Variants in VPS13A observed in about 807,000 individuals in gnomAD.
VPS13A encodes vacuolar protein sorting 13 homolog A.
In VPS13A, 264 loss-of-function variants were observed where a neutral mutation model predicts 390.9. That is an observed-to-expected ratio of 0.68 (90% CI 0.61 to 0.75). The LOEUF (loss-of-function observed/expected upper bound fraction) is 0.75, where lower values mean the gene tolerates loss of function less well. VPS13A is among the 30% of genes least tolerant of loss of function. VPS13A has a pLI of 0.00. For missense variants in VPS13A, 3,409 were observed against 3,733.9 expected (o/e 0.91, Z 2.27); for synonymous variants, 1,231 against 1,227.1 (o/e 1.00, Z -0.07).
chr9:77,249,661 G>A (rs1480060674), intron 20 of VPS13A, among the ~76,000 whole-genome samples: 2 of 152,148 alleles, frequency 1.3e-5, no homozygotes, highest in African/African-American at 4.8e-5. Context: ...TTGCATAAAT[G>A]GCAGAGTTGG....
At chr9:77,414,182 G>A (rs1464429143) in intron 71 of VPS13A, among the ~76,000 whole-genome samples, 4 of 152,184 alleles carry the variant, frequency 2.6e-5, no homozygotes, top group East Asian at 1.9e-4. Context: ...TCAGTGTGGC[G>A]ATTCCTCAGG....
At chr9:77,318,971 C>G (rs144047505) in intron 41 of VPS13A, among the ~76,000 whole-genome samples, 2,325 of 152,018 alleles carry the variant, frequency 0.015, 58 homozygotes, top group African/African-American at 0.053. Flanking sequence ...GCAGAAGGAT[C>G]GCTTGAGCCC....
At chr9:77,215,325 C>G (rs530087302) in intron 10 of VPS13A, among the ~76,000 whole-genome samples, 1 of 152,262 alleles carries the variant, frequency 6.6e-6, no homozygotes, top group East Asian at 1.9e-4. Context: ...ACCTTCATGA[C>G]TACTCAAGTG....
intron 23 of VPS13A, among the ~76,000 whole-genome samples, chr9:77,263,567 C>T (rs1473827173): frequency 1.3e-5 from 2 of 152,040 alleles, no homozygotes; most frequent in South Asian, 2.1e-4. Flanking sequence ...CTGTTCATAT[C>T]CTTCGCCTAC....
chr9:77,358,891 C>T (rs1215590328), intron 57 of VPS13A, among the ~76,000 whole-genome samples: 2 of 152,102 alleles, frequency 1.3e-5, no homozygotes, highest in East Asian at 1.9e-4. Context: ...TCTCTTCCCT[C>T]CTCACTACCC....
chr9:77,289,643 A>C (rs950724322), intron 31 of VPS13A, among the ~76,000 whole-genome samples: 1 of 152,050 alleles, frequency 6.6e-6, no homozygotes, highest in Non-Finnish European at 1.5e-5. Flanking sequence ...GTACCTATTG[A>C]ATTTGGTTTA....
intron 62 of VPS13A, 34 bp downstream of exon 62, chr9:77,368,170 T>C: frequency 1.3e-6 from 2 of 1,549,554 alleles, no homozygotes; most frequent in Non-Finnish European, 1.8e-6. Context: ...AGGGACAGAG[T>C]GATACAGACT....
chr9:77,271,187 A>C (rs185728634), intron 23 of VPS13A, among the ~76,000 whole-genome samples: 49 of 152,336 alleles, frequency 3.2e-4, no homozygotes, highest in Non-Finnish European at 6.3e-4. Context: ...ATGACTAAAC[A>C]GGTAGCATGA....
At chr9:77,295,098 A>G (rs1827902324) in intron 32 of VPS13A, among the ~76,000 whole-genome samples, 1 of 151,958 alleles carries the variant, frequency 6.6e-6, no homozygotes, top group South Asian at 2.1e-4. Flanking sequence ...AAATATAGAT[A>G]ATTATATTTT....
In VPS13A at chr9:77,238,348, T is replaced by G; in HGVS notation, c.1862T>G (p.Leu621Trp). The G allele has an allele frequency of 1.2e-6, 2 of 1,614,040 alleles. No individual in the cohort carries two copies. Among genetic ancestry groups the G allele is most frequent in the Non-Finnish European group, 1.7e-6 (2 of 1,179,964 alleles). ...CTAGCACAGCTCACTGCAGCAACTT[T>G]GACAAAACTGGAAGAATTTCGCAGT... Reference protein sequence around the residue: ...VHLAQLTAATLTKLEEFRSKT... With the variant: ...VHLAQLTAATWTKLEEFRSKT... The change falls in exon 19 of 72, where the codon TTG becomes TGG. Residue 621 changes from leucine to tryptophan, a missense_variant. Leu to Trp is a moderately conservative substitution (Grantham distance 61, BLOSUM62 -2). Coordinates refer to ENST00000360280, the MANE Select transcript of VPS13A (RefSeq NM_033305.3).
intron 67 of VPS13A, among the ~76,000 whole-genome samples, chr9:77,376,378 T>A (rs910875930): frequency 3.9e-5 from 6 of 152,158 alleles, no homozygotes; most frequent in Admixed American, 6.5e-5. Flanking sequence ...GGCTGCTGCA[T>A]TGAGGCGTAA....
At chr9:77,378,771 T>G (rs942483873) in intron 67 of VPS13A, among the ~76,000 whole-genome samples, 4 of 152,000 alleles carry the variant, frequency 2.6e-5, no homozygotes, top group African/African-American at 9.7e-5. Context: ...TTTCTCAACT[T>G]GTGAAGTTAT....
Position 77,199,963 on chromosome 9 carries a change from A to G in VPS13A, c.119A>G (p.Asn40Ser). 2 of 1,608,514 alleles carry G rather than the reference A, an allele frequency of 1.2e-6. No homozygotes were observed. Among genetic ancestry groups the G allele is most frequent in the Non-Finnish European group, 1.7e-6 (2 of 1,177,770 alleles). ...TTTTTAGGAGCTGTGGCCCTCAAGA[A>G]TCTTCAAATTAAAGAAAATGCCCTG... ...GIWKGAVALKNLQIKENALSQ... is the reference protein window; with the variant it reads ...GIWKGAVALKSLQIKENALSQ... Residue 40 changes from asparagine to serine, a missense_variant, in exon 2 of 72, where the codon AAT (asparagine) becomes AGT (serine). Physicochemically the swap from Asn to Ser is conservative, Grantham distance 46. Around this residue, in one of 5 missense-constraint regions of VPS13A, gnomAD observed 2,717 missense variants for 2,917.4 expected, o/e 0.93. Transcript: ENST00000360280.
At chr9:77,368,197 T>C (rs1832542733) in intron 62 of VPS13A, 61 bp downstream of exon 62, 2 of 1,331,916 alleles carry the variant, frequency 1.5e-6, no homozygotes, top group Non-Finnish European at 2.1e-6. Context: ...ACCTTTTGTG[T>C]CTATACATAT....
intron 68 of VPS13A, chr9:77,384,683 A>G (rs1297354188): frequency 6.3e-7 from 1 of 1,599,354 alleles, no homozygotes; most frequent in Non-Finnish European, 8.5e-7. Context: ...TAAACCATTA[A>G]AATTCATATG....
At chr9:77,338,471 A>G (rs765767033) in intron 47 of VPS13A, 1 of 152,080 alleles carries the variant, frequency 6.6e-6, no homozygotes, top group African/African-American at 2.4e-5. Context: ...TTGCTTTTCT[A>G]AATCTTTTGC....
chr9:77,331,889 A>T (rs1587600656), intron 45 of VPS13A, 121 bp from the exon 46 acceptor site: 2 of 668,660 alleles, frequency 3.0e-6, no homozygotes, highest in East Asian at 2.8e-5. Flanking sequence ...TAATTTATAT[A>T]AGCAAGATGA....
intron 68 of VPS13A, 56 bp from the exon 69 acceptor site, chr9:77,403,180 C>A: frequency 7.8e-7 from 1 of 1,277,916 alleles, no homozygotes; most frequent in African/African-American, 1.5e-5. Flanking sequence ...GCATTGTTTG[C>A]ATTACAGTAG....
intron 59 of VPS13A, among the ~76,000 whole-genome samples, chr9:77,362,426 C>G (rs1832195222): frequency 6.6e-6 from 1 of 152,184 alleles, no homozygotes; most frequent in South Asian, 2.1e-4. Flanking sequence ...TCTTGACACC[C>G]TAGTTGAAAA....
Sources: allele counts gnomAD v4.1 joint callset (sites outside exome capture counted in the v4.1 genomes callset), GRCh38; gene constraint gnomAD v4.1.1; regional missense constraint gnomAD v4.1.1; transcripts MANE v1.5; gene names NCBI Gene and HGNC (gene_info 2026-07-23, HGNC 2026-07-21).